Variants in AGMO observed in about 807,000 individuals in gnomAD.
AGMO encodes alkylglycerol monooxygenase.
A neutral mutation model predicts 60.2 loss-of-function variants in AGMO; 75 were observed. The observed-to-expected ratio is 1.25, with a 90% confidence interval of 1.03 to 1.51. The LOEUF (loss-of-function observed/expected upper bound fraction) is 1.51, where lower values mean the gene tolerates loss of function less well. AGMO is among the 40% of genes most tolerant of loss of function. The probability of loss-of-function intolerance (pLI) is 0.00; values close to 1 mark genes in which losing one functional copy is unlikely to be tolerated. For missense variants in AGMO, 763 were observed against 525.5 expected, an observed-to-expected ratio of 1.45 and a Z score of -4.42; for synonymous variants, 261 against 177.1, an observed-to-expected ratio of 1.47 and a Z score of -3.76.
At chr7:15,292,620 T>C (rs1003248253) in intron 12 of AGMO, among the ~76,000 whole-genome samples, 1 of 152,092 alleles carries the variant, frequency 6.6e-6, no homozygotes, top group Non-Finnish European at 1.5e-5. Context: ...ATATTATTTT[T>C]GGGAGAAGGA....
intron 12 of AGMO, among the ~76,000 whole-genome samples, chr7:15,327,473 A>T (rs971331939): frequency 1.2e-4 from 18 of 152,256 alleles, no homozygotes; most frequent in Middle Eastern, 3.4e-3. Flanking sequence ...ATTCACTCAC[A>T]TGCAAAGATC....
chr7:15,193,659 A>G, the AGMO span, among the ~76,000 whole-genome samples: 2 of 152,284 alleles, frequency 1.3e-5, no homozygotes, highest in East Asian at 3.9e-4. Context: ...TAATAACTTC[A>G]GGAACAAAAG....
At chr7:15,450,795 A>C (rs1333971337) in intron 3 of AGMO, among the ~76,000 whole-genome samples, 1 of 152,160 alleles carries the variant, frequency 6.6e-6, no homozygotes, top group Admixed American at 6.5e-5. Context: ...TTGCTGACTT[A>C]TTCACTCTCC....
At chr7:15,494,954 A>T (rs748991987) in intron 3 of AGMO, among the ~76,000 whole-genome samples, 10 of 152,236 alleles carry the variant, frequency 6.6e-5, no homozygotes, top group Non-Finnish European at 1.3e-4. Flanking sequence ...ACATTTTTAC[A>T]ATTTGCCTGA....
At chr7:15,358,283 G>A (rs536483866) in intron 12 of AGMO, 1 of 369,970 alleles carries the variant, frequency 2.7e-6, no homozygotes, top group Non-Finnish European at 5.5e-6. Flanking sequence ...TTGCTGCTTT[G>A]AGTATTGGTT....
chr7:15,553,630 A>G (rs1331540525), intron 2 of AGMO, among the ~76,000 whole-genome samples: 1 of 152,118 alleles, frequency 6.6e-6, no homozygotes, highest in Non-Finnish European at 1.5e-5. Flanking sequence ...TGTCAACTCC[A>G]GTGAAAATGG....
At chr7:15,278,427 T>A (rs1036318249) in intron 12 of AGMO, among the ~76,000 whole-genome samples, 1 of 152,066 alleles carries the variant, frequency 6.6e-6, no homozygotes, top group Non-Finnish European at 1.5e-5. Context: ...GTATGAGTCC[T>A]CAAGGGACTG....
At chr7:15,268,966 G>A (rs1206751142) in intron 12 of AGMO, among the ~76,000 whole-genome samples, 1 of 151,972 alleles carries the variant, frequency 6.6e-6, no homozygotes, top group Non-Finnish European at 1.5e-5. Flanking sequence ...CAAACAATGA[G>A]GCCAGTAGCA....
intron 3 of AGMO, among the ~76,000 whole-genome samples, chr7:15,476,240 C>T (rs983891042): frequency 6.6e-6 from 1 of 152,054 alleles, no homozygotes; most frequent in Non-Finnish European, 1.5e-5. Context: ...ATTGTGGAAA[C>T]CAAGGTAACA....
At chr7:15,515,274 C>G (rs1432421906) in intron 3 of AGMO, among the ~76,000 whole-genome samples, 1 of 152,214 alleles carries the variant, frequency 6.6e-6, no homozygotes, top group African/African-American at 2.4e-5. Context: ...AGACCTCCTT[C>G]CTAATTCACT....
intron 3 of AGMO, among the ~76,000 whole-genome samples, chr7:15,507,128 C>T (rs575377035): frequency 6.6e-6 from 1 of 152,016 alleles, no homozygotes; most frequent in African/African-American, 2.4e-5. Context: ...TTATATGCAG[C>T]CATTCTGACT....
chr7:15,365,729 T>C (rs1782950887), intron 11 of AGMO, 110 bp from the exon 12 acceptor site: 1 of 741,416 alleles, frequency 1.3e-6, no homozygotes, highest in Non-Finnish European at 2.2e-6. Context: ...AGTATTTTAA[T>C]ATATTTGAAA....
At chr7:15,164,302 C>T in the AGMO span, among the ~76,000 whole-genome samples, 1 of 151,800 alleles carries the variant, frequency 6.6e-6, no homozygotes, top group African/African-American at 2.4e-5. Context: ...AGAAGAAAAC[C>T]TAGGAAAAAT....
chr7:15,433,583 C>A lies in AGMO; in HGVS notation c.410-2475G>T, dbSNP rs769286007. ...TGAACAAAATGAGAAAAACTTAATG[C>A]ATTTATATGATCATCTTCCCTAATA... On this transcript the variant is annotated intron_variant, in intron 3 of 12. Coordinates refer to ENST00000342526, the MANE Select transcript of AGMO (RefSeq NM_001004320.2). Among the ~76,000 whole-genome samples, 115 of 152,080 alleles carry A rather than the reference C, an allele frequency of 7.6e-4. No individual in the cohort carries two copies. In the Middle Eastern group the frequency reaches 0.01, roughly 14 times the overall value.
At chr7:15,147,893 A>G in the AGMO span, among the ~76,000 whole-genome samples, 2 of 152,206 alleles carry the variant, frequency 1.3e-5, no homozygotes, top group Non-Finnish European at 2.9e-5. Context: ...TACCTGCACT[A>G]GCCTAAGCAT....
At chr7:15,130,254 T>C in the AGMO span, among the ~76,000 whole-genome samples, 23 of 152,198 alleles carry the variant, frequency 1.5e-4, no homozygotes, top group South Asian at 2.1e-4. Context: ...TTTCCTTTTT[T>C]TCTTTCATGT....
At chr7:15,396,170 G>A (rs1469051646) in intron 5 of AGMO, 1 of 152,374 alleles carries the variant, frequency 6.6e-6, no homozygotes, top group Non-Finnish European at 1.5e-5. Context: ...TGTCAATTTA[G>A]CCCTCCCTCG....
the AGMO span, among the ~76,000 whole-genome samples, chr7:15,172,206 C>T: frequency 3.3e-5 from 5 of 152,168 alleles, no homozygotes; most frequent in African/African-American, 1.2e-4. Context: ...AATAAGTATT[C>T]GTGGTCACCC....
At chr7:15,129,269 C>A in the AGMO span, among the ~76,000 whole-genome samples, 2 of 132,294 alleles carry the variant, frequency 1.5e-5, no homozygotes, top group African/African-American at 5.0e-5. Flanking sequence ...TTAGTGTTCT[C>A]TTTTACTTAT....
Sources: allele counts gnomAD v4.1 joint callset (sites outside exome capture counted in the v4.1 genomes callset), GRCh38; gene constraint gnomAD v4.1.1; transcripts MANE v1.5; gene names NCBI Gene and HGNC (gene_info 2026-07-23, HGNC 2026-07-21).